RSRC1: variants seen among roughly 807,000 people sequenced by gnomAD.
The protein encoded by RSRC1 is serine/Arginine-related protein 53.
In RSRC1, 39 loss-of-function variants were observed where a neutral mutation model predicts 49.1. The observed-to-expected ratio is 0.79, with a 90% confidence interval of 0.61 to 1.04. The LOEUF (loss-of-function observed/expected upper bound fraction) is 1.04, where lower values mean the gene tolerates loss of function less well. Ranked by LOEUF, RSRC1 falls within the 50% of genes least tolerant of loss-of-function variation. The pLI is 0.00. For missense variants in RSRC1, 388 were observed against 402.4 expected, an observed-to-expected ratio of 0.96 and a Z score of 0.31; for synonymous variants, 143 against 130.8, an observed-to-expected ratio of 1.09 and a Z score of -0.63.
At chr3:158,110,581 C>G (rs576015668) in intron 1 of RSRC1, 18 of 152,564 alleles carry the variant, frequency 1.2e-4, no homozygotes, top group African/African-American at 4.1e-4. Flanking sequence ...CAATATAAGC[C>G]TGGCGCTTCC....
intron 7 of RSRC1, among the ~76,000 whole-genome samples, chr3:158,463,975 A>G (rs1049652085): frequency 2.4e-4 from 36 of 151,336 alleles, no homozygotes; most frequent in African/African-American, 7.8e-4. Context: ...TATATCTTTC[A>G]GTAAAGGTCA....
chr3:158,117,932 T>C (rs1714951560), intron 1 of RSRC1, among the ~76,000 whole-genome samples: 1 of 151,926 alleles, frequency 6.6e-6, no homozygotes, highest in African/African-American at 2.4e-5. Context: ...CTTTAACCTC[T>C]TTTCCAACCT....
At chr3:158,299,797 C>A (rs544813868) in intron 5 of RSRC1, among the ~76,000 whole-genome samples, 1 of 43,054 alleles carries the variant, frequency 2.3e-5, no homozygotes, top group South Asian at 4.1e-4. Context: ...GACTATTTCA[C>A]ACATTTATAT....
At chr3:158,305,822 T>C (rs1027800044) in intron 5 of RSRC1, among the ~76,000 whole-genome samples, 2 of 152,114 alleles carry the variant, frequency 1.3e-5, no homozygotes, top group Non-Finnish European at 2.9e-5. Context: ...GTGATTTTAC[T>C]GTGTGACCTC....
At chr3:158,132,770 C>A (rs1246914450) in intron 3 of RSRC1, among the ~76,000 whole-genome samples, 1 of 152,140 alleles carries the variant, frequency 6.6e-6, no homozygotes, top group Non-Finnish European at 1.5e-5. Flanking sequence ...AATTTTACAG[C>A]TGTTTTCTAA....
intron 3 of RSRC1, among the ~76,000 whole-genome samples, chr3:158,168,053 T>G (rs555631683): frequency 1.1e-5 from 1 of 88,918 alleles, no homozygotes; most frequent in Non-Finnish European, 2.2e-5. Context: ...TCAGATTAAC[T>G]GTTTTATGCC....
At chr3:158,409,370 A>C (rs1195719848) in intron 6 of RSRC1, among the ~76,000 whole-genome samples, 2 of 152,206 alleles carry the variant, frequency 1.3e-5, no homozygotes, top group East Asian at 3.8e-4. Context: ...TCACAAATAT[A>C]GGTATACACA....
At chr3:158,360,273 C>G (rs1731393655) in intron 6 of RSRC1, among the ~76,000 whole-genome samples, 1 of 152,178 alleles carries the variant, frequency 6.6e-6, no homozygotes. Context: ...ATCCTCTGTT[C>G]TGCTTTGGCT....
chr3:158,320,593 A>G (rs2108165114), intron 5 of RSRC1, among the ~76,000 whole-genome samples: 1 of 152,314 alleles, frequency 6.6e-6, no homozygotes, highest in Admixed American at 6.5e-5. Flanking sequence ...TGCTATTCAC[A>G]ACAATAATTC....
chr3:158,369,581 A>G (rs1204222079), intron 6 of RSRC1, among the ~76,000 whole-genome samples: 1 of 152,104 alleles, frequency 6.6e-6, no homozygotes, highest in Non-Finnish European at 1.5e-5. Context: ...ATTTTTTTAA[A>G]AACTGTTTAA....
chr3:158,518,145 TATA>T (rs1190193357), intron 7 of RSRC1, among the ~76,000 whole-genome samples: 25 of 113,196 alleles, frequency 2.2e-4, no homozygotes, highest in East Asian at 6.9e-4. Flanking sequence ...TATATATATA[TATA>T]TTTTTTTTTT....
At chr3:158,147,599 A>T (rs193155795) in intron 3 of RSRC1, among the ~76,000 whole-genome samples, 2 of 152,248 alleles carry the variant, frequency 1.3e-5, no homozygotes, top group Admixed American at 1.3e-4. Context: ...GTAACCTAGA[A>T]GAAAACAGAA....
At chr3:158,206,074 C>G (rs996092699) in intron 4 of RSRC1, among the ~76,000 whole-genome samples, 1 of 152,166 alleles carries the variant, frequency 6.6e-6, no homozygotes, top group Non-Finnish European at 1.5e-5. Flanking sequence ...AAATGGGTGT[C>G]TGGCTGGATT....
At chr3:158,236,145 AC>A (rs1723235117) in intron 4 of RSRC1, among the ~76,000 whole-genome samples, 1 of 151,874 alleles carries the variant, frequency 6.6e-6, no homozygotes, top group Admixed American at 6.6e-5. Context: ...AGAAAAATAA[AC>A]CCAGAGTTAT....
At chr3:158,425,138 C>T (rs1418098468) in intron 6 of RSRC1, among the ~76,000 whole-genome samples, 2 of 151,546 alleles carry the variant, frequency 1.3e-5, no homozygotes, top group Non-Finnish European at 2.9e-5. Flanking sequence ...AATGTGTTTG[C>T]TCTTGCTTTT....
intron 3 of RSRC1, among the ~76,000 whole-genome samples, chr3:158,162,632 G>T (rs919153504): frequency 6.6e-6 from 1 of 152,112 alleles, no homozygotes; most frequent in African/African-American, 2.4e-5. Context: ...ATTGCTTCTA[G>T]CTCATTTATA....
At chr3:158,419,718 A>C (rs1327870198) in intron 6 of RSRC1, among the ~76,000 whole-genome samples, 2 of 151,810 alleles carry the variant, frequency 1.3e-5, no homozygotes, top group African/African-American at 4.8e-5. Context: ...ATTTGCACAC[A>C]TAACACTTTA....
intron 6 of RSRC1, among the ~76,000 whole-genome samples, chr3:158,379,572 C>CT (rs1288296587): frequency 6.6e-6 from 1 of 152,030 alleles, no homozygotes; most frequent in Admixed American, 6.6e-5. Context: ...GATGAGCTAT[C>CT]TTTTTTTCAT....
Position 158,478,948 on chromosome 3 carries a change from C to CAAAAA in RSRC1, c.652+17958_652+17962dup, listed in dbSNP as rs10603914. On this transcript the variant is annotated intron_variant, in intron 7 of 9. Transcript: ENST00000611884. Reference sequence around the variant, plus strand: ...TAACTAAAGATACAAGGAGAAAAAGCAAAAAAAAAAAAAAAAACCTTACTG... The same window carrying CAAAAA: ...TAACTAAAGATACAAGGAGAAAAAGCAAAAAAAAAAAAAAAAAAAAAACCTTACTG... 9.2e-3 allele frequency among the ~76,000 whole-genome samples: 1,028 copies of CAAAAA among 112,188 alleles called. 15 individuals are homozygous for CAAAAA. Among genetic ancestry groups the CAAAAA allele is most frequent in the African/African-American group, 0.03 (970 of 31,926 alleles). The allele number at this position is 112,188 out of a possible 152,430, so 73.6% of individuals were successfully genotyped here. A position where few individuals can be genotyped will look rare whatever the true frequency, so the allele number is the denominator to read the frequency against.
Sources: gnomAD v4.1 joint callset for allele counts (sites outside exome capture counted in the v4.1 genomes callset) on GRCh38, gnomAD v4.1.1 for gene constraint, MANE v1.5 for transcripts, NCBI Gene and HGNC (gene_info 2026-07-23, HGNC 2026-07-21) for gene names.